IVD: variants seen among roughly 807,000 people sequenced by gnomAD.
IVD encodes isovaleryl-CoA dehydrogenase, mitochondrial.
In IVD, 31 loss-of-function variants were observed where a neutral mutation model predicts 51.3. The observed-to-expected ratio is 0.60, with a 90% CI of 0.45 to 0.81. The LOEUF is 0.81. Among genes scored for constraint, IVD ranks in the 40% least tolerant of loss-of-function variants. The pLI is 0.00. For synonymous variants in IVD, 205 were observed against 219.4 expected (o/e 0.93, Z 0.58); for missense variants, 475 against 552.0 (o/e 0.86, Z 1.40).
chr15:40,427,814 C>A (rs189197221), downstream of IVD, among the ~76,000 whole-genome samples: 12 of 152,232 alleles, frequency 7.9e-5, no homozygotes, highest in East Asian at 2.3e-3. Flanking sequence ...CTGCCCAGCC[C>A]CTCCTTTCTT....
At chr15:40,422,891 C>G (rs187821948), downstream of IVD, among the ~76,000 whole-genome samples, 1 of 150,972 alleles carries the variant, frequency 6.6e-6, no homozygotes, top group Non-Finnish European at 1.5e-5. Context: ...TGAGCCACCA[C>G]GCCCAGCTAG....
Position 40,420,957 on chromosome 15 carries a change from T to A in IVD, c.*2694T>A. On this transcript the variant is annotated 3_prime_UTR_variant, in exon 12 of 12. Coordinates refer to ENST00000487418, the MANE Select transcript of IVD (RefSeq NM_002225.5). ...CAGCAGCACCTATCCTGGCTCTTGG[T>A]CCTGGCCTGCAGCCAAGTGCTGTTC... 1.0e-6 allele frequency: 1 copy of A among 985,446 alleles called. No homozygotes were observed. The highest frequency in any genetic ancestry group is 1.2e-6 in the Non-Finnish European group (1 of 830,022). The allele number at this position is 985,446 out of a possible 1,614,324, so 61.0% of individuals were successfully genotyped here.
In IVD at chr15:40,416,247, G is replaced by A. The variant is rs150226953; in HGVS notation, c.1066-43G>A. The A allele has an allele frequency of 2.7e-4, 438 of 1,613,172 alleles. 1 individual carries two copies. In the African/African-American group the frequency reaches 5.2e-3, roughly 19 times the overall value. ...GACCAGCTGCTGAGACTTGCTGTCT[G>A]CGTGCCTCGCAGGGCCCTGCTGACC... is the stretch of plus-strand genomic sequence containing the variant. On this transcript the variant is annotated intron_variant, in intron 10 of 11. Coordinates refer to ENST00000487418, the MANE Select transcript of IVD (RefSeq NM_002225.5).
chr15:40,433,115 T>C (rs1893073740), intron 7 of IVD, among the ~76,000 whole-genome samples: 1 of 152,180 alleles, frequency 6.6e-6, no homozygotes, highest in South Asian at 2.1e-4. Flanking sequence ...ACCACTACGC[T>C]ATGTGAAATG....
intron 7 of IVD, among the ~76,000 whole-genome samples, chr15:40,413,778 C>T (rs1891347157): frequency 6.6e-6 from 1 of 152,080 alleles, no homozygotes; most frequent in African/African-American, 2.4e-5. Context: ...GCAGCCTCCA[C>T]CTCCTGGGTT....
Position 40,420,684 on chromosome 15 carries a change from G to C in IVD, c.*2421G>C. 1.0e-6 allele frequency: 1 copy of C among 987,154 alleles called. No individual in the cohort carries two copies. The highest frequency in any genetic ancestry group is 1.2e-6 in the Non-Finnish European group (1 of 830,110). The allele number at this position is 987,154 out of a possible 1,614,324, so 61.1% of individuals were successfully genotyped here. ...GCTAAGTTCTTACAGCCAGAAGGAAGCTTATAGATTTCTGAAAACCGCCCC... is the reference window on the plus strand; with the variant it reads ...GCTAAGTTCTTACAGCCAGAAGGAACCTTATAGATTTCTGAAAACCGCCCC... On this transcript the variant is annotated 3_prime_UTR_variant, in exon 12 of 12. Transcript: ENST00000487418.
chr15:40,409,013 C>A (rs1303770199), intron 3 of IVD, among the ~76,000 whole-genome samples: 3 of 152,002 alleles, frequency 2.0e-5, no homozygotes, highest in Non-Finnish European at 4.4e-5. Flanking sequence ...TGAGTGGAAC[C>A]CAATATACTT....
chr15:40,418,003 T>C, intron 11 of IVD, 127 bp from the exon 12 acceptor site: 1 of 1,377,226 alleles, frequency 7.3e-7, no homozygotes, highest in Non-Finnish European at 1.0e-6. Context: ...TCCCTCTTGC[T>C]ACCTTTTGCT....
downstream of IVD, among the ~76,000 whole-genome samples, chr15:40,423,754 C>A (rs755290275): frequency 1.1e-4 from 16 of 152,258 alleles, no homozygotes; most frequent in Non-Finnish European, 1.6e-4. Flanking sequence ...GCCACCATGC[C>A]CGGCCCAAGG....
At chr15:40,417,210 A>G (rs1487997742) in intron 11 of IVD, among the ~76,000 whole-genome samples, 1 of 145,818 alleles carries the variant, frequency 6.9e-6, no homozygotes, top group Non-Finnish European at 1.5e-5. Flanking sequence ...GTCTCGGAAA[A>G]AAAAAAAAAA....
downstream of IVD, among the ~76,000 whole-genome samples, chr15:40,423,075 A>C (rs910528302): frequency 1.3e-5 from 2 of 150,952 alleles, no homozygotes; most frequent in Non-Finnish European, 3.0e-5. Context: ...AGTAGCTGGA[A>C]CTAGAGGTGT....
At position 40,420,258 on chromosome 15, in the gene IVD, A is replaced by G. The variant is rs759281192; in HGVS notation, c.*1995A>G. On this transcript the variant is annotated 3_prime_UTR_variant, in exon 12 of 12. Transcript: ENST00000487418. ...CACCGCCCTGCCACGGGCACCATCC[A>G]GTCCTGGCCGTGTGACCACCCACAG... 4.5e-5 allele frequency: 44 copies of G among 987,488 alleles called. No homozygotes were observed. The highest frequency in any genetic ancestry group is 5.2e-5 in the Non-Finnish European group (43 of 830,196). 61.2% of individuals were successfully genotyped at this position (987,488 alleles called of 1,614,324 possible).
At chr15:40,429,017 C>T (rs1385729074), downstream of IVD, among the ~76,000 whole-genome samples, 2 of 152,202 alleles carry the variant, frequency 1.3e-5, no homozygotes, top group African/African-American at 4.8e-5. Context: ...ATGGCCACTC[C>T]TGTGGGCTCA....
intron 9 of IVD, 61 bp from the exon 10 acceptor site, chr15:40,416,017 T>C: frequency 6.6e-7 from 1 of 1,514,286 alleles, no homozygotes; most frequent in Non-Finnish European, 9.1e-7. Flanking sequence ...ATTGCTGACC[T>C]GCTTTTGGTA....
At chr15:40,424,079 T>C, downstream of IVD, 1 of 1,108,132 alleles carries the variant, frequency 9.0e-7, no homozygotes, top group Non-Finnish European at 1.2e-6. Flanking sequence ...TAGCCTGGTA[T>C]CTCTTAAATA....
intron 3 of IVD, among the ~76,000 whole-genome samples, chr15:40,409,282 T>C (rs1215255317): frequency 6.6e-6 from 1 of 151,920 alleles, no homozygotes; most frequent in Non-Finnish European, 1.5e-5. Context: ...GCTCCTATAA[T>C]CCGAGTGACT....
Position 40,416,492 on chromosome 15 carries a change from G to A in IVD, c.1138+130G>A, listed in dbSNP as rs988501149. ...CCCAGCACTTTGGGAGGCCGAGGTA[G>A]GCAGATCACCTGAGGTCAGGAGTTC... On this transcript the variant is annotated intron_variant, in intron 11 of 11. Transcript: ENST00000487418. 2.6e-5 allele frequency: 21 copies of A among 809,782 alleles called. No homozygotes were observed. In the African/African-American group the frequency reaches 3.6e-4, roughly 14 times the overall value. 50.2% of individuals were successfully genotyped at this position (809,782 alleles called of 1,614,324 possible).
chr15:40,435,636 G>A, downstream of IVD: 1 of 1,066,650 alleles, frequency 9.4e-7, no homozygotes, highest in Non-Finnish European at 1.2e-6. Context: ...TTGGGACAGA[G>A]CTCCTTGGCA....
At chr15:40,414,710 T>C in intron 7 of IVD, 179 bp from the exon 8 acceptor site, 4 of 1,088,536 alleles carry the variant, frequency 3.7e-6, no homozygotes, top group Non-Finnish European at 5.2e-6. Flanking sequence ...GCAGCTCCAC[T>C]TCTGACTGGA....
Sources: allele counts gnomAD v4.1 joint callset (sites outside exome capture counted in the v4.1 genomes callset), GRCh38; gene constraint gnomAD v4.1.1; transcripts MANE v1.5; gene names NCBI Gene and HGNC (gene_info 2026-07-23, HGNC 2026-07-21).